Variants in PCDHGA7 observed in about 807,000 individuals in gnomAD.
PCDHGA7 encodes the protein protocadherin gamma-A7.
In PCDHGA7, 44 loss-of-function variants were observed where a neutral mutation model predicts 58.3. The observed-to-expected ratio is 0.75, with a 90% CI of 0.59 to 0.97. The LOEUF (loss-of-function observed/expected upper bound fraction) is 0.97, where lower values mean the gene tolerates loss of function less well. Among genes scored for constraint, PCDHGA7 ranks in the 50% least tolerant of loss-of-function variants. The pLI is 0.00. For missense variants in PCDHGA7, 1,266 were observed against 1,188.7 expected, an observed-to-expected ratio of 1.06 and a Z score of -0.96; for synonymous variants, 516 against 504.2, an observed-to-expected ratio of 1.02 and a Z score of -0.31.
At chr5:141,430,873 G>T in intron 1 of PCDHGA7, 5 of 1,598,960 alleles carry the variant, frequency 3.1e-6, no homozygotes, top group Non-Finnish European at 4.3e-6. Flanking sequence ...TTCCGGAAGA[G>T]CTGGAGAAAG....
intron 1 of PCDHGA7, among the ~76,000 whole-genome samples, chr5:141,450,485 TTGTC>T (rs1466269978): frequency 1.3e-5 from 2 of 152,158 alleles, no homozygotes; most frequent in African/African-American, 2.4e-5. Flanking sequence ...GTTTGTTTGT[TTGTC>T]TGTTTGTTTG....
At chr5:141,455,438 C>G (rs1350941007) in intron 1 of PCDHGA7, among the ~76,000 whole-genome samples, 1 of 152,082 alleles carries the variant, frequency 6.6e-6, no homozygotes, top group Non-Finnish European at 1.5e-5. Context: ...GAGGAGGTCC[C>G]CATCTACCGC....
intron 1 of PCDHGA7, chr5:141,394,355 G>C (rs767192511): frequency 4.3e-6 from 7 of 1,614,064 alleles, no homozygotes; most frequent in African/African-American, 1.3e-5. Context: ...CCGGTGTCCT[G>C]TATGCGCTGC....
chr5:141,418,938 C>G, intron 1 of PCDHGA7: 1 of 1,613,738 alleles, frequency 6.2e-7, no homozygotes, highest in Non-Finnish European at 8.5e-7. Flanking sequence ...ATGGAGGATT[C>G]CCCTCCAGGA....
At chr5:141,404,520 A>C (rs1483361714) in intron 1 of PCDHGA7, 2 of 1,613,916 alleles carry the variant, frequency 1.2e-6, no homozygotes, top group Non-Finnish European at 1.7e-6. Context: ...TTTGACTATG[A>C]GCAGTTTAGA....
intron 1 of PCDHGA7, chr5:141,393,264 C>A (rs537186931): frequency 6.2e-7 from 1 of 1,613,916 alleles, no homozygotes. Flanking sequence ...TCCTGGAGCA[C>A]GTTATCCACT....
chr5:141,424,408 T>G (rs942542788), intron 1 of PCDHGA7: 1 of 152,224 alleles, frequency 6.6e-6, no homozygotes, highest in Non-Finnish European at 1.5e-5. Flanking sequence ...TATGGTGAAG[T>G]TACATTGACT....
intron 2 of PCDHGA7, among the ~76,000 whole-genome samples, chr5:141,504,178 A>C (rs572543892): frequency 4.5e-4 from 69 of 152,366 alleles, no homozygotes; most frequent in Non-Finnish European, 7.6e-4. Context: ...AAATTCAAAA[A>C]AATCATGAAA....
At chr5:141,388,353 G>A (rs1441506976) in intron 1 of PCDHGA7, 1 of 1,613,858 alleles carries the variant, frequency 6.2e-7, no homozygotes, top group Non-Finnish European at 8.5e-7. Flanking sequence ...ATTAGGATCT[G>A]CCCATGATGC....
chr5:141,412,346 T>C (rs1489657145), intron 1 of PCDHGA7: 1 of 152,238 alleles, frequency 6.6e-6, no homozygotes, highest in African/African-American at 2.4e-5. Flanking sequence ...TATGTTCATT[T>C]TAGTTTGTGA....
rs769467027 is a variant in PCDHGA7, at chr5:141,477,255, A to G, written c.2425-17552A>G. On this transcript the variant is annotated intron_variant, in intron 1 of 3. Transcript: ENST00000518325. This position sits in a 1 kb window ranked among gnomAD's most constrained non-coding sequence, Gnocchi z 4.9. ...GCTTTGCTCAGTGTGACTGACCTGGATGCTGGCGAGAACGGGCTGGTGACC... is the reference window on the plus strand; with the variant it reads ...GCTTTGCTCAGTGTGACTGACCTGGGTGCTGGCGAGAACGGGCTGGTGACC... 1 of 1,614,146 alleles carries G rather than the reference A, an allele frequency of 6.2e-7. No individual in the cohort carries two copies. Among genetic ancestry groups the G allele is most frequent in the East Asian group, 2.2e-5 (1 of 44,874 alleles).
intron 1 of PCDHGA7, chr5:141,427,440 G>C (rs747459662): frequency 4.2e-6 from 2 of 477,366 alleles, no homozygotes; most frequent in African/African-American, 2.0e-5. Flanking sequence ...CCTCATAAAC[G>C]AAAGAGTTCC....
chr5:141,404,564 G>A, intron 1 of PCDHGA7: 1 of 1,613,890 alleles, frequency 6.2e-7, no homozygotes. Flanking sequence ...AAGTGACAGT[G>A]GAAGCCCACC....
At chr5:141,402,392 C>A (rs1271100750) in intron 1 of PCDHGA7, among the ~76,000 whole-genome samples, 1 of 151,714 alleles carries the variant, frequency 6.6e-6, no homozygotes, top group African/African-American at 2.4e-5. Flanking sequence ...AAAATTACTT[C>A]AGAAAATTGT....
chr5:141,387,571 T>C (rs1183327637), intron 1 of PCDHGA7: 2 of 474,240 alleles, frequency 4.2e-6, no homozygotes, highest in African/African-American at 2.0e-5. Flanking sequence ...ACAATTATAA[T>C]TATTGCACTG....
chr5:141,410,311 C>T lies in PCDHGA7; in HGVS notation c.2424+24988C>T, dbSNP rs867067555. On this transcript the variant is annotated intron_variant, in intron 1 of 3. Coordinates refer to ENST00000518325, the MANE Select transcript of PCDHGA7 (RefSeq NM_018920.4). ...CCTTGGCCTTAATCTCAGTGCTCTT[C>T]CTCCTCGCCGTGATTCTGGCCATTG... 4 of 1,613,936 alleles carry T rather than the reference C, an allele frequency of 2.5e-6. No homozygotes were observed. In the African/African-American group the frequency reaches 5.3e-5, roughly 22 times the overall value.
At chr5:141,474,398 C>A (rs1381347745) in intron 1 of PCDHGA7, among the ~76,000 whole-genome samples, 3 of 152,212 alleles carry the variant, frequency 2.0e-5, no homozygotes, top group Non-Finnish European at 4.4e-5. Context: ...TTCTAACAAG[C>A]TCCCCGGTGA....
intron 1 of PCDHGA7, chr5:141,399,754 A>G: frequency 6.2e-7 from 1 of 1,613,326 alleles, no homozygotes; most frequent in Non-Finnish European, 8.5e-7. Flanking sequence ...CGCAAACGTG[A>G]GCCTGCGCGT....
At position 141,476,827 on chromosome 5, in the gene PCDHGA7, G is replaced by A; in HGVS notation, c.2425-17980G>A. On this transcript the variant is annotated intron_variant, in intron 1 of 3. Transcript: ENST00000518325. The surrounding 1 kb of genome is among the most constrained non-coding windows in gnomAD (Gnocchi z 7.6). ...CTATTCACATCAAGGTGCTGGACGC[G>A]AATGACAATGCGCCTGTCTTCAACC... The A allele has an allele frequency of 1.2e-6, 2 of 1,613,542 alleles. No individual in the cohort carries two copies. Among genetic ancestry groups the A allele is most frequent in the Non-Finnish European group, 1.7e-6 (2 of 1,180,046 alleles).
Sources: gnomAD v4.1 joint callset for allele counts (sites outside exome capture counted in the v4.1 genomes callset) on GRCh38, gnomAD v4.1.1 for gene constraint, Gnocchi (gnomAD v3.1) non-coding constraint, MANE v1.5 for transcripts, NCBI Gene and HGNC (gene_info 2026-07-23, HGNC 2026-07-21) for gene names.